FLRT1: variants seen among roughly 807,000 people sequenced by gnomAD.
FLRT1 encodes the protein fibronectin leucine rich transmembrane protein 1.
Under a neutral mutation model 30.9 loss-of-function variants are expected in FLRT1, and 14 were observed. That is an observed-to-expected ratio of 0.45 (90% CI 0.30 to 0.71). The LOEUF is 0.71. FLRT1 is among the 30% of genes least tolerant of loss of function. The probability of loss-of-function intolerance (pLI) is 0.08; values close to 1 mark genes in which losing one functional copy is unlikely to be tolerated. For missense variants in FLRT1, 737 were observed against 949.2 expected, an observed-to-expected ratio of 0.78 and a Z score of 2.94; for synonymous variants, 368 against 430.4, an observed-to-expected ratio of 0.85 and a Z score of 1.80.
intron 1 of FLRT1, among the ~76,000 whole-genome samples, chr11:64,086,613 T>A (rs1565225986): frequency 6.6e-6 from 1 of 152,158 alleles, no homozygotes. Context: ...GGGGTGCTTT[T>A]TCCGGCCCCT....
At chr11:64,081,512 T>C (rs1413442668) in intron 1 of FLRT1, among the ~76,000 whole-genome samples, 1 of 152,084 alleles carries the variant, frequency 6.6e-6, no homozygotes, top group Non-Finnish European at 1.5e-5. Flanking sequence ...TGGGGTTCAG[T>C]GAACATCAGT....
chr11:64,080,504 A>G (rs1268014293), intron 1 of FLRT1, among the ~76,000 whole-genome samples: 8 of 152,234 alleles, frequency 5.3e-5, no homozygotes, highest in Admixed American at 4.6e-4. Flanking sequence ...CCTCAGGTTT[A>G]TCATTTGTAA....
At chr11:64,047,268 T>C (rs2622410) in intron 1 of FLRT1, among the ~76,000 whole-genome samples, 40,023 of 151,988 alleles carry the variant, frequency 0.26, 5,504 homozygotes, top group African/African-American at 0.31. Context: ...CAAGCCTTCC[T>C]GGCCCGAGAT....
intron 1 of FLRT1, chr11:64,081,765 C>T (rs1372689927): frequency 1.3e-5 from 2 of 152,136 alleles, no homozygotes; most frequent in Admixed American, 6.6e-5. Context: ...GGTCCAGAGC[C>T]GAGCCTGACA....
In FLRT1 at chr11:64,117,804, A is replaced by G. The variant is rs1306538096; in HGVS notation, c.1537A>G (p.Ser513Gly). 1.2e-6 allele frequency: 2 copies of G among 1,614,196 alleles called. No individual in the cohort carries two copies. The highest frequency in any genetic ancestry group is 2.2e-5 in the East Asian group (1 of 44,888). ...CATCTGCATGGTCACCATGGAGACC[A>G]GCAATGCCTACGTAGCTGATGAGAC... ...YIICMVTMET[S>G]NAYVADETPV... is the part of the protein sequence containing the mutation. Residue 513 changes from serine to glycine, a missense_variant, in exon 3 of 3, where the codon AGC (serine) becomes GGC (glycine). Ser to Gly is a moderately conservative substitution (Grantham distance 56, BLOSUM62 0). Coordinates refer to ENST00000682287, the MANE Select transcript of FLRT1 (RefSeq NM_013280.5).
intron 1 of FLRT1, among the ~76,000 whole-genome samples, chr11:64,073,114 G>A (rs1474816251): frequency 6.6e-6 from 1 of 152,198 alleles, no homozygotes; most frequent in Non-Finnish European, 1.5e-5. Context: ...AAGAGGCTGC[G>A]GAGGGGGCCA....
intron 1 of FLRT1, among the ~76,000 whole-genome samples, chr11:64,078,425 G>A (rs536334070): frequency 1.2e-4 from 19 of 152,348 alleles, no homozygotes; most frequent in African/African-American, 4.1e-4. Context: ...CAGCTGCACC[G>A]AAACATGGCC....
At chr11:64,088,679 C>A (rs1293591172) in intron 1 of FLRT1, among the ~76,000 whole-genome samples, 1 of 152,192 alleles carries the variant, frequency 6.6e-6, no homozygotes, top group African/African-American at 2.4e-5. Context: ...AGTCACTCGA[C>A]CCCTCTGGGT....
chr11:64,048,612 T>C (rs571944138), intron 1 of FLRT1, among the ~76,000 whole-genome samples: 70 of 152,288 alleles, frequency 4.6e-4, no homozygotes, highest in African/African-American at 1.6e-3. Context: ...CCCAGCGGAA[T>C]TCTTACTGTT....
intron 1 of FLRT1, among the ~76,000 whole-genome samples, chr11:64,081,538 C>T (rs1944303690): frequency 6.6e-6 from 1 of 152,154 alleles, no homozygotes; most frequent in Non-Finnish European, 1.5e-5. Flanking sequence ...ACCCCCCCGA[C>T]CCCATCGCAA....
In FLRT1 at chr11:64,117,858, G is replaced by C; in HGVS notation, c.1591G>C (p.Asp531His). 6.2e-7 allele frequency: 1 copy of C among 1,614,154 alleles called. No homozygotes were observed. Among genetic ancestry groups the C allele is most frequent in the Non-Finnish European group, 8.5e-7 (1 of 1,180,046 alleles). The stretch of plus-strand genomic sequence containing the variant: ...CGTGTGTGCCAAGGCAGAGACAGCC[G>C]ACAGCTATGGCCCTACCACCACACT... ...TPVCAKAETA[D>H]SYGPTTTLNQ... Residue 531 changes from aspartate to histidine, a missense_variant, in exon 3 of 3, where the codon GAC becomes CAC. Asp to His is a moderately conservative substitution (Grantham distance 81). Coordinates refer to ENST00000682287, the MANE Select transcript of FLRT1 (RefSeq NM_013280.5).
chr11:64,068,329 G>GC lies in FLRT1; in HGVS notation c.-1038+32170_-1038+32171insC, dbSNP rs1383235040. Among the ~76,000 whole-genome samples the GC allele has an allele frequency of 1.8e-4, 27 of 152,310 alleles. No homozygotes were observed. The East Asian group carries it at 4.4e-3, about 25-fold the overall frequency. ...CGCCTGTCCCACTCTTCCGCCTTTG[G>GC]GGACAGTGATGCCTACCAGGCCCTG... On this transcript the variant is annotated intron_variant, in intron 1 of 2. Transcript: ENST00000682287.
rs1945045441 is a variant in FLRT1, at chr11:64,118,812, C to T, written c.*520C>T. On this transcript the variant is annotated 3_prime_UTR_variant, in exon 3 of 3. Transcript: ENST00000682287. ...GAGAGAGGGAAGAAAAGATCTTTTG[C>T]CCTGGAGATATGGTCCTGAAATCTC... The T allele has an allele frequency of 6.0e-6, 1 of 167,660 alleles. No homozygotes were observed. Among genetic ancestry groups the T allele is most frequent in the South Asian group, 2.1e-4 (1 of 4,836 alleles). The allele number at this position is 167,660 out of a possible 1,614,324, so 10.4% of individuals were successfully genotyped here.
At position 64,067,852 on chromosome 11, in the gene FLRT1, A is replaced by T. The variant is rs550427589; in HGVS notation, c.-1038+31693A>T. ...TGGGTGATGAGGGGGTTGGGGGAGG[A>T]GCTGAGCGGCCCACTTCCTGCTGCT... On this transcript the variant is annotated intron_variant, in intron 1 of 2. Transcript: ENST00000682287. The surrounding 1 kb of genome is among the most constrained non-coding windows in gnomAD (Gnocchi z 4.6). Among the ~76,000 whole-genome samples, 41 of 152,068 alleles carry T rather than the reference A, an allele frequency of 2.7e-4. No homozygotes were observed. The highest frequency in any genetic ancestry group is 9.9e-4 in the African/African-American group (41 of 41,478).
At chr11:64,115,670 C>CCCCT (rs1244037296) in intron 2 of FLRT1, among the ~76,000 whole-genome samples, 2 of 152,220 alleles carry the variant, frequency 1.3e-5, no homozygotes, top group Non-Finnish European at 2.9e-5. Context: ...TGGCGACGCC[C>CCCCT]CCCTTTTGAG....
chr11:64,118,093 A>C lies in FLRT1; in HGVS notation c.1826A>C (p.Asn609Thr), dbSNP rs553034802. The change falls in exon 3 of 3, where the codon AAC (asparagine) becomes ACC (threonine). Residue 609 changes from asparagine to threonine, a missense_variant. By Grantham distance (65) the Asn-to-Thr change is moderately conservative. Coordinates refer to ENST00000682287, the MANE Select transcript of FLRT1 (RefSeq NM_013280.5). ...ATGGAGTCAGGGACCAAGAAGGATA[A>C]CTCCATCCTGGAAATCCGCGGCCCT... ...DYMESGTKKDNSILEIRGPGL... is the reference protein window; with the variant it reads ...DYMESGTKKDTSILEIRGPGL... 1 of 1,611,176 alleles carries C rather than the reference A, an allele frequency of 6.2e-7. No individual in the cohort carries two copies. The highest frequency in any genetic ancestry group is 1.7e-5 in the Admixed American group (1 of 59,944).
chr11:64,085,974 G>T (rs1944386534), intron 1 of FLRT1, among the ~76,000 whole-genome samples: 1 of 145,764 alleles, frequency 6.9e-6, no homozygotes, highest in South Asian at 2.4e-4. Context: ...CTCAGCAGAT[G>T]GTTAGTGGGC....
intron 1 of FLRT1, among the ~76,000 whole-genome samples, chr11:64,092,507 A>C (rs1453577882): frequency 6.6e-6 from 1 of 152,216 alleles, no homozygotes; most frequent in Non-Finnish European, 1.5e-5. Context: ...CACAGCATCC[A>C]CGATGGGAGG....
At chr11:64,056,200 T>G (rs1226997008) in intron 1 of FLRT1, among the ~76,000 whole-genome samples, 1 of 152,110 alleles carries the variant, frequency 6.6e-6, no homozygotes. Flanking sequence ...CCTGGGTGTC[T>G]TTGCCCATTT....
Sources: allele counts gnomAD v4.1 joint callset (sites outside exome capture counted in the v4.1 genomes callset), GRCh38; gene constraint gnomAD v4.1.1; non-coding constraint Gnocchi (gnomAD v3.1); transcripts MANE v1.5; gene names NCBI Gene and HGNC (gene_info 2026-07-23, HGNC 2026-07-21).